Variants in CBFA2T2 observed in about 807,000 individuals in gnomAD.
CBFA2T2 encodes protein CBFA2T2.
In CBFA2T2, 11 loss-of-function variants were observed where a neutral mutation model predicts 62.2. The observed-to-expected ratio is 0.18, with a 90% confidence interval of 0.11 to 0.29. The LOEUF is 0.29. Among genes scored for constraint, CBFA2T2 ranks in the 10% least tolerant of loss-of-function variants. The pLI, the probability that CBFA2T2 is intolerant of heterozygous loss-of-function variation, is 1.00. For missense variants in CBFA2T2, 592 were observed against 774.1 expected (o/e 0.76, Z 2.79); for synonymous variants, 295 against 287.5 (o/e 1.03, Z -0.27).
intron 1 of CBFA2T2, among the ~76,000 whole-genome samples, chr20:33,494,722 C>T (rs1486615656): frequency 6.6e-6 from 1 of 152,158 alleles, no homozygotes; most frequent in Non-Finnish European, 1.5e-5. Flanking sequence ...CCTCAGCCTT[C>T]CAAATAGCTG....
At chr20:33,531,179 A>G (rs1247689349) in intron 1 of CBFA2T2, among the ~76,000 whole-genome samples, 3 of 152,208 alleles carry the variant, frequency 2.0e-5, no homozygotes, top group Non-Finnish European at 4.4e-5. Flanking sequence ...GGTGCAGTAC[A>G]GTGTCAGTGT....
chr20:33,500,535 C>A (rs1036231901), intron 1 of CBFA2T2, among the ~76,000 whole-genome samples: 1 of 151,898 alleles, frequency 6.6e-6, no homozygotes, highest in Non-Finnish European at 1.5e-5. Context: ...CATGGAGAAA[C>A]CCCGTCTCTA....
intron 1 of CBFA2T2, among the ~76,000 whole-genome samples, chr20:33,509,468 TG>T (rs1338169630): frequency 1.3e-5 from 2 of 152,146 alleles, no homozygotes; most frequent in African/African-American, 4.8e-5. Flanking sequence ...TAAATAATGA[TG>T]TTTTTAAAAG....
intron 7 of CBFA2T2, among the ~76,000 whole-genome samples, 185 bp from the exon 8 acceptor site, chr20:33,629,534 C>T (rs1475842956): frequency 2.0e-5 from 3 of 152,230 alleles, no homozygotes; most frequent in African/African-American, 4.8e-5. Flanking sequence ...ATGTCAGCCT[C>T]AACACCAATG....
At chr20:33,513,352 T>G (rs1568793548) in intron 1 of CBFA2T2, among the ~76,000 whole-genome samples, 2 of 149,904 alleles carry the variant, frequency 1.3e-5, no homozygotes. Context: ...TGGGTTTTTT[T>G]GTTTTTTTTT....
intron 1 of CBFA2T2, among the ~76,000 whole-genome samples, chr20:33,536,454 GGGCGGC>G: frequency 6.7e-6 from 1 of 149,656 alleles, no homozygotes; most frequent in African/African-American, 2.5e-5. Flanking sequence ...CTCCCGGACG[GGGCGGC>G]TGGCCTGGCG....
At chr20:33,564,297 T>C (rs1233589075) in intron 1 of CBFA2T2, among the ~76,000 whole-genome samples, 1 of 150,522 alleles carries the variant, frequency 6.6e-6, no homozygotes, top group Non-Finnish European at 1.5e-5. Flanking sequence ...GGAGTCTCAC[T>C]CTGTCGCGCA....
At chr20:33,579,848 C>T (rs571270901) in intron 1 of CBFA2T2, among the ~76,000 whole-genome samples, 66 of 144,686 alleles carry the variant, frequency 4.6e-4, no homozygotes, top group Non-Finnish European at 6.6e-4. Flanking sequence ...GAGTTTCTCT[C>T]TTGTTGCCCA....
chr20:33,633,379 AATAAAT>A (rs2016522997), intron 8 of CBFA2T2, among the ~76,000 whole-genome samples: 2 of 41,300 alleles, frequency 4.8e-5, no homozygotes, highest in Admixed American at 1.8e-4. Flanking sequence ...GCAAAAAAAA[AATAAAT>A]AAATAAATAA....
intron 1 of CBFA2T2, among the ~76,000 whole-genome samples, chr20:33,518,908 G>A (rs537636756): frequency 1.9e-4 from 29 of 151,614 alleles, no homozygotes; most frequent in Non-Finnish European, 3.7e-4. Flanking sequence ...TGCAACCTCC[G>A]TCTCCCGGGT....
At chr20:33,544,660 C>T (rs551174704) in intron 1 of CBFA2T2, among the ~76,000 whole-genome samples, 3 of 152,168 alleles carry the variant, frequency 2.0e-5, no homozygotes, top group South Asian at 2.1e-4. Flanking sequence ...CAGTTCCCTG[C>T]CCCAGCCTCC....
At chr20:33,593,049 G>T (rs1421461185) in intron 1 of CBFA2T2, among the ~76,000 whole-genome samples, 1 of 152,052 alleles carries the variant, frequency 6.6e-6, no homozygotes, top group African/African-American at 2.4e-5. Flanking sequence ...GAAAAATTAT[G>T]ACCAGGCACC....
At position 33,571,173 on chromosome 20, in the gene CBFA2T2, G is replaced by A. The variant is rs544122429; in HGVS notation, c.35-35783G>A. On this transcript the variant is annotated intron_variant, in intron 1 of 10. Coordinates refer to ENST00000342704, the MANE Select transcript of CBFA2T2 (RefSeq NM_001032999.3). ...ACAAATCTTTTTAAGTGGGTCTGGAGGGGGGACAGAGAATTGGTGATTTGT... is the reference window on the plus strand; with the variant it reads ...ACAAATCTTTTTAAGTGGGTCTGGAAGGGGGACAGAGAATTGGTGATTTGT... Among the ~76,000 whole-genome samples the A allele has an allele frequency of 7.9e-5, 12 of 152,236 alleles. 1 individual carries two copies. The South Asian group carries it at 2.3e-3, about 29-fold the overall frequency.
intron 1 of CBFA2T2, among the ~76,000 whole-genome samples, chr20:33,595,732 GT>G (rs1294946087): frequency 6.6e-6 from 1 of 151,674 alleles, no homozygotes; most frequent in African/African-American, 2.4e-5. Flanking sequence ...TAGAGATCAG[GT>G]TTTGCCATGT....
chr20:33,544,962 GAAT>G (rs1225391573), intron 1 of CBFA2T2, among the ~76,000 whole-genome samples: 2 of 120,606 alleles, frequency 1.7e-5, no homozygotes, highest in East Asian at 3.5e-4. Context: ...GAATAGAATA[GAAT>G]AGAATAGAAT....
In CBFA2T2 at chr20:33,640,248, A is replaced by G; in HGVS notation, c.1298-93A>G. 3 of 1,136,252 alleles carry G rather than the reference A, an allele frequency of 2.6e-6. No individual in the cohort carries two copies. In the South Asian group the frequency reaches 4.5e-5, roughly 17 times the overall value. 70.4% of individuals were successfully genotyped at this position (1,136,252 alleles called of 1,614,324 possible). The stretch of plus-strand genomic sequence containing the variant: ...TCCCTGTGGAGTTTTAGAAAAGATC[A>G]CTTTGTGTCAGCTCTCTCCTTACTT... On this transcript the variant is annotated intron_variant, in intron 9 of 10. Transcript: ENST00000342704.
chr20:33,634,212 C>T (rs933265108), intron 8 of CBFA2T2, among the ~76,000 whole-genome samples: 1 of 152,122 alleles, frequency 6.6e-6, no homozygotes, highest in Non-Finnish European at 1.5e-5. Context: ...CGTGATCCAC[C>T]CGCCTTGGCC....
chr20:33,642,521 G>A (rs1266661475), intron 10 of CBFA2T2, among the ~76,000 whole-genome samples: 5 of 151,886 alleles, frequency 3.3e-5, no homozygotes, highest in Admixed American at 2.0e-4. Flanking sequence ...CAGGAGGATC[G>A]CTTGAGCCCA....
At chr20:33,631,189 C>T (rs6057874) in intron 8 of CBFA2T2, among the ~76,000 whole-genome samples, 1 of 152,176 alleles carries the variant, frequency 6.6e-6, no homozygotes, top group African/African-American at 2.4e-5. Context: ...TGGCGGACGC[C>T]TGTACTCCCA....
Sources: gnomAD v4.1 joint callset for allele counts (sites outside exome capture counted in the v4.1 genomes callset) on GRCh38, gnomAD v4.1.1 for gene constraint, MANE v1.5 for transcripts, NCBI Gene and HGNC (gene_info 2026-07-23, HGNC 2026-07-21) for gene names.